The following SSUH2 variants were observed in gnomAD, a reference collection of about 807,000 sequenced individuals.
SSUH2 encodes protein SSUH2 homolog.
SSUH2 carries 47 observed loss-of-function variants against 55.3 expected under a neutral mutation model. The ratio of observed to expected loss-of-function variants is 0.85; its 90% CI spans 0.67 to 1.08. The LOEUF (loss-of-function observed/expected upper bound fraction) is 1.08, where lower values mean the gene tolerates loss of function less well. SSUH2 is among the 50% of genes least tolerant of loss of function. SSUH2 has a pLI of 0.00. For missense variants in SSUH2, 535 were observed against 490.7 expected (o/e 1.09, Z -0.85); for synonymous variants, 212 against 191.5 (o/e 1.11, Z -0.89).
At chr3:8,636,103 G>A (rs982668187) in intron 1 of SSUH2, among the ~76,000 whole-genome samples, 5 of 152,184 alleles carry the variant, frequency 3.3e-5, no homozygotes, top group African/African-American at 4.8e-5. Context: ...CCGTGAATAT[G>A]CATTATTGCA....
chr3:8,660,498 A>C (rs149940805), intron 6 of SSUH2, among the ~76,000 whole-genome samples: 33 of 152,348 alleles, frequency 2.2e-4, no homozygotes, highest in African/African-American at 7.9e-4. Flanking sequence ...ATAAGATAAC[A>C]CTGTTTGAGA....
intron 11 of SSUH2, among the ~76,000 whole-genome samples, chr3:8,620,397 G>C (rs1222139728): frequency 6.6e-6 from 1 of 152,164 alleles, no homozygotes; most frequent in East Asian, 1.9e-4. Context: ...ATGATTGTGA[G>C]GGCTCCCCAG....
chr3:8,631,029 A>G, intron 5 of SSUH2, 100 bp from the exon 6 acceptor site: 1 of 1,212,334 alleles, frequency 8.2e-7, no homozygotes, highest in Non-Finnish European at 1.1e-6. Context: ...GGTGCCAGGC[A>G]TGAGTCTAGA....
chr3:8,633,991 T>A (rs548709410), intron 3 of SSUH2, 196 bp from the exon 4 acceptor site: 1 of 1,591,704 alleles, frequency 6.3e-7, no homozygotes, highest in Admixed American at 1.7e-5. Flanking sequence ...ACGGGGCAGG[T>A]TTTCCTAGAG....
intron 2 of SSUH2, chr3:8,677,475 G>A (rs1705502090): frequency 6.6e-6 from 1 of 150,808 alleles, no homozygotes; most frequent in Non-Finnish European, 1.5e-5. Context: ...CGGGGACCAG[G>A]AACCTTTGGA....
intron 1 of SSUH2, among the ~76,000 whole-genome samples, chr3:8,681,737 G>T (rs1317369228): frequency 6.6e-6 from 1 of 150,852 alleles, no homozygotes; most frequent in East Asian, 2.0e-4. Flanking sequence ...TGGGAGGCGG[G>T]GAGTGAGAGC....
chr3:8,672,435 G>C (rs9870849), intron 3 of SSUH2, among the ~76,000 whole-genome samples: 3 of 151,872 alleles, frequency 2.0e-5, no homozygotes, highest in Non-Finnish European at 2.9e-5. Context: ...AATATTACAC[G>C]GGTTTGTACA....
chr3:8,678,125 C>T (rs145918782), intron 2 of SSUH2, among the ~76,000 whole-genome samples: 4 of 152,184 alleles, frequency 2.6e-5, no homozygotes, highest in African/African-American at 4.8e-5. Flanking sequence ...CATCTTCTTC[C>T]CTCCAGGATC....
intron 3 of SSUH2, among the ~76,000 whole-genome samples, chr3:8,675,501 G>A (rs565441555): frequency 2.0e-5 from 3 of 152,326 alleles, no homozygotes; most frequent in Non-Finnish European, 2.9e-5. Flanking sequence ...AGGACTGTGG[G>A]TATAAGGCGT....
chr3:8,652,369 A>C (rs1344300615), intron 7 of SSUH2, among the ~76,000 whole-genome samples: 1 of 152,166 alleles, frequency 6.6e-6, no homozygotes, highest in African/African-American at 2.4e-5. Flanking sequence ...ATTTTTCCCA[A>C]TCAGACATCC....
At position 8,626,294 on chromosome 3, in the gene SSUH2, G is replaced by T; in HGVS notation, c.702C>A (p.Asn234Lys). The T allele has an allele frequency of 3.1e-6, 5 of 1,614,106 alleles. No individual in the cohort carries two copies. The highest frequency in any genetic ancestry group is 4.2e-6 in the Non-Finnish European group (5 of 1,179,992). ...CCCCCTTGCAGGTGGCGCAGGTCTT[G>T]TTCCCTCTCCCTGAGCAAGTGCTGC... ...RRCSTCSGRG[N>K]KTCATCKGEK... The change falls in exon 9 of 12, where the codon AAC becomes AAA. Residue 234 changes from asparagine (N) to lysine (K), a missense_variant. Transcript: ENST00000544814.
Position 8,629,739 on chromosome 3 carries a change from C to A in SSUH2, c.526-13G>T. 1 of 1,613,964 alleles carries A rather than the reference C, an allele frequency of 6.2e-7. No individual in the cohort carries two copies. Among genetic ancestry groups the A allele is most frequent in the Non-Finnish European group, 8.5e-7 (1 of 1,179,926 alleles). On this transcript the variant is annotated splice_polypyrimidine_tract_variant and intron_variant, in intron 6 of 11. Transcript: ENST00000544814. ...ATTTGTGGCATTCCTGAAAGTGCAA[C>A]GCTTTCTTGGGATCTAGTTTCCCAA... is the stretch of plus-strand genomic sequence containing the variant.
upstream of SSUH2, among the ~76,000 whole-genome samples, chr3:8,647,454 A>G (rs968977544): frequency 2.0e-5 from 3 of 152,244 alleles, no homozygotes; most frequent in African/African-American, 7.2e-5. Flanking sequence ...CTGTGGCTTC[A>G]GAGTCAGGGT....
chr3:8,647,888 T>C (rs1701908905), upstream of SSUH2, among the ~76,000 whole-genome samples: 1 of 152,206 alleles, frequency 6.6e-6, no homozygotes, highest in South Asian at 2.1e-4. Context: ...GTGGTGCCCA[T>C]GGCAGGAATC....
chr3:8,681,549 T>TG (rs1164650112), intron 1 of SSUH2, among the ~76,000 whole-genome samples: 1 of 133,304 alleles, frequency 7.5e-6, no homozygotes, highest in Non-Finnish European at 1.6e-5. Flanking sequence ...CGGACCCCCA[T>TG]GGGGGGCGGG....
chr3:8,678,823 C>A (rs1416873376), intron 2 of SSUH2, among the ~76,000 whole-genome samples: 1 of 114,946 alleles, frequency 8.7e-6, no homozygotes, highest in African/African-American at 3.0e-5. Context: ...AGGCGGCACT[C>A]CCCACGAGGC....
intron 3 of SSUH2, among the ~76,000 whole-genome samples, chr3:8,673,963 C>A (rs1575389125): frequency 6.6e-6 from 1 of 151,984 alleles, no homozygotes; most frequent in Non-Finnish European, 1.5e-5. Context: ...ATCCCGATAA[C>A]CCTGAAAATC....
intron 2 of SSUH2, among the ~76,000 whole-genome samples, chr3:8,678,580 C>A (rs1444326744): frequency 9.6e-6 from 1 of 104,344 alleles, no homozygotes; most frequent in African/African-American, 3.4e-5. Flanking sequence ...GGGGGGAACA[C>A]CCCCCGCGAG....
intron 3 of SSUH2, chr3:8,634,260 C>A: frequency 1.4e-6 from 1 of 692,398 alleles, no homozygotes; most frequent in Admixed American, 2.8e-5. Context: ...TGGCCCAGGG[C>A]TGATGGCAGC....
Sources: gnomAD v4.1 joint callset for allele counts (sites outside exome capture counted in the v4.1 genomes callset) on GRCh38, gnomAD v4.1.1 for gene constraint, MANE v1.5 for transcripts, NCBI Gene and HGNC (gene_info 2026-07-23, HGNC 2026-07-21) for gene names.